Variants in WRN observed in about 807,000 individuals in gnomAD.
WRN encodes the protein bifunctional 3'-5' exonuclease/ATP-dependent helicase WRN.
WRN carries 149 observed loss-of-function variants against 180.7 expected under a neutral mutation model. That is an observed-to-expected ratio of 0.82 (90% CI 0.72 to 0.94). WRN has a LOEUF of 0.94. Ranked by LOEUF, WRN falls within the 40% of genes least tolerant of loss-of-function variation. WRN has a pLI of 0.00. For synonymous variants in WRN, 548 were observed against 568.9 expected (o/e 0.96, Z 0.52); for missense variants, 1,661 against 1,700.1 (o/e 0.98, Z 0.40).
intron 3 of WRN, among the ~76,000 whole-genome samples, chr8:31,062,893 G>A (rs377659999): frequency 3.7e-4 from 56 of 151,892 alleles, no homozygotes; most frequent in South Asian, 4.2e-4. Context: ...GTGCGGTGGC[G>A]AGATCATACT....
At chr8:31,093,466 C>T (rs187844661) in intron 16 of WRN, among the ~76,000 whole-genome samples, 17 of 152,194 alleles carry the variant, frequency 1.1e-4, no homozygotes, top group African/African-American at 4.1e-4. Flanking sequence ...TTGAATATAG[C>T]ACAGTTTGTT....
chr8:31,157,970 C>A (rs1478664917), intron 33 of WRN, among the ~76,000 whole-genome samples: 1 of 152,080 alleles, frequency 6.6e-6, no homozygotes, highest in East Asian at 1.9e-4. Context: ...TCTGATGATC[C>A]GCCCACCTCA....
At chr8:31,058,626 C>A in intron 2 of WRN, 83 bp downstream of exon 2, 1 of 1,391,728 alleles carries the variant, frequency 7.2e-7, no homozygotes, top group Non-Finnish European at 1.0e-6. Context: ...TACTTGTAAA[C>A]TTCAAGTCAT....
intron 17 of WRN, among the ~76,000 whole-genome samples, chr8:31,098,545 G>A (rs1814084427): frequency 6.6e-6 from 1 of 152,096 alleles, no homozygotes; most frequent in Non-Finnish European, 1.5e-5. Flanking sequence ...GAATAAAAAG[G>A]GATACATGAA....
intron 18 of WRN, among the ~76,000 whole-genome samples, chr8:31,104,605 C>T (rs1801018027): frequency 6.6e-6 from 1 of 152,024 alleles, no homozygotes; most frequent in Admixed American, 6.5e-5. Flanking sequence ...AGATTTTCTC[C>T]TGTGGTTCTT....
rs1341127883 is a variant in WRN at position 31,141,677 on chromosome 8, A to G, written c.3139-4A>G. 2 of 1,614,036 alleles carry G rather than the reference A, an allele frequency of 1.2e-6. No individual in the cohort carries two copies. Among genetic ancestry groups the G allele is most frequent in the African/African-American group, 2.7e-5 (2 of 74,930 alleles). On this transcript the variant is annotated splice_region_variant and splice_polypyrimidine_tract_variant and intron_variant, in intron 25 of 34. Coordinates refer to ENST00000298139, the MANE Select transcript of WRN (RefSeq NM_000553.6). ...CATTAAAAGATCCTTTTTGCTTTTA[A>G]TAGGGTAGAAATTGGCTTCATAAAG... is the stretch of plus-strand genomic sequence containing the variant.
intron 24 of WRN, among the ~76,000 whole-genome samples, chr8:31,141,077 G>A (rs905705385): frequency 2.0e-5 from 3 of 152,044 alleles, no homozygotes; most frequent in Admixed American, 6.6e-5. Context: ...TTCTAGTCTC[G>A]AGCTGTAGGA....
At chr8:31,050,942 A>G (rs1812055882) in intron 1 of WRN, among the ~76,000 whole-genome samples, 1 of 152,186 alleles carries the variant, frequency 6.6e-6, no homozygotes. Flanking sequence ...GTATTGAACC[A>G]TTTTAAATAG....
At chr8:31,052,237 A>G (rs1413421004) in intron 1 of WRN, among the ~76,000 whole-genome samples, 1 of 152,222 alleles carries the variant, frequency 6.6e-6, no homozygotes, top group Non-Finnish European at 1.5e-5. Flanking sequence ...GTTAAAAGGA[A>G]TGCATGTTCT....
chr8:31,115,362 C>T (rs1166481914), intron 19 of WRN, among the ~76,000 whole-genome samples: 1 of 152,158 alleles, frequency 6.6e-6, no homozygotes, highest in African/African-American at 2.4e-5. Flanking sequence ...GTTTCCTCTG[C>T]TTAAGTTTTC....
At chr8:31,168,481 T>C (rs552156852) in intron 34 of WRN, among the ~76,000 whole-genome samples, 2 of 115,852 alleles carry the variant, frequency 1.7e-5, no homozygotes, top group Admixed American at 2.5e-4. Flanking sequence ...GCTATTTCAG[T>C]AACATTACAT....
chr8:31,068,857 A>G (rs756557461), intron 7 of WRN, among the ~76,000 whole-genome samples: 59 of 152,182 alleles, frequency 3.9e-4, no homozygotes, highest in Non-Finnish European at 7.3e-4. Context: ...TGGTCATGTC[A>G]TCCAACCTCA....
intron 23 of WRN, among the ~76,000 whole-genome samples, chr8:31,127,705 A>G (rs777739491): frequency 6.6e-6 from 1 of 152,114 alleles, no homozygotes; most frequent in African/African-American, 2.4e-5. Context: ...TGAGACCAGG[A>G]TTTTTAAGAC....
intron 25 of WRN, 28 bp from the exon 26 acceptor site, chr8:31,141,653 A>T: frequency 6.2e-7 from 1 of 1,614,170 alleles, no homozygotes; most frequent in Non-Finnish European, 8.5e-7. Flanking sequence ...CCCACTCCAC[A>T]TTAAAAGATC....
chr8:31,122,292 G>A (rs1157094549), intron 21 of WRN, among the ~76,000 whole-genome samples: 1 of 151,944 alleles, frequency 6.6e-6, no homozygotes, highest in Non-Finnish European at 1.5e-5. Context: ...TCATCCTGGT[G>A]ACAACCCTCT....
At chr8:31,093,641 A>C (rs1813846453) in intron 16 of WRN, among the ~76,000 whole-genome samples, 1 of 152,148 alleles carries the variant, frequency 6.6e-6, no homozygotes, top group Non-Finnish European at 1.5e-5. Context: ...ACTTACAATA[A>C]ATTTTATATG....
At chr8:31,061,984 G>A (rs879730859) in intron 3 of WRN, among the ~76,000 whole-genome samples, 8 of 152,086 alleles carry the variant, frequency 5.3e-5, no homozygotes, top group Non-Finnish European at 1.0e-4. Context: ...ACTCTGCCCC[G>A]TGAGTTCCAG....
intron 30 of WRN, 37 bp from the exon 31 acceptor site, chr8:31,150,304 A>C (rs1005411208): frequency 1.3e-6 from 2 of 1,525,746 alleles, no homozygotes; most frequent in Non-Finnish European, 1.8e-6. Flanking sequence ...TGGTTTCTTG[A>C]CCTTTTTGTT....
chr8:31,058,163 G>T (rs965569395), intron 1 of WRN, among the ~76,000 whole-genome samples: 1 of 152,102 alleles, frequency 6.6e-6, no homozygotes, highest in Non-Finnish European at 1.5e-5. Flanking sequence ...ATAGAATTTC[G>T]AAACTACCAG....
Sources: gnomAD v4.1 joint callset for allele counts (sites outside exome capture counted in the v4.1 genomes callset) on GRCh38, gnomAD v4.1.1 for gene constraint, MANE v1.5 for transcripts, NCBI Gene and HGNC (gene_info 2026-07-23, HGNC 2026-07-21) for gene names.